The following ZFAT variants were observed in gnomAD, a reference collection of about 807,000 sequenced individuals.
The protein encoded by ZFAT is zinc finger and AT-hook domain containing.
A neutral mutation model predicts 117.7 loss-of-function variants in ZFAT; 64 were observed. The ratio of observed to expected loss-of-function variants is 0.54; its 90% CI spans 0.44 to 0.67. ZFAT has a LOEUF of 0.67. Ranked by LOEUF, ZFAT falls within the 30% of genes least tolerant of loss-of-function variation. The pLI is 0.00. For missense variants in ZFAT, 1,433 were observed against 1,584.5 expected (o/e 0.90, Z 1.62); for synonymous variants, 679 against 615.0 (o/e 1.10, Z -1.54).
At chr8:134,699,179 T>C (rs1273372662) in intron 1 of ZFAT, among the ~76,000 whole-genome samples, 1 of 152,066 alleles carries the variant, frequency 6.6e-6, no homozygotes, top group African/African-American at 2.4e-5. Context: ...GGTCCACACC[T>C]GAGAGCAGGT....
At chr8:134,611,461 G>A (rs1180108316) in intron 3 of ZFAT, among the ~76,000 whole-genome samples, 1 of 152,242 alleles carries the variant, frequency 6.6e-6, no homozygotes, top group African/African-American at 2.4e-5. Flanking sequence ...AAAACCAGGG[G>A]AGGGCGTCAG....
the ZFAT span, among the ~76,000 whole-genome samples, chr8:134,755,057 G>T: frequency 6.6e-6 from 1 of 152,202 alleles, no homozygotes; most frequent in South Asian, 2.1e-4. Context: ...TTCTGTTGGT[G>T]TTTGTTTTAC....
chr8:134,798,039 ACT>A, the ZFAT span: 1 of 151,880 alleles, frequency 6.6e-6, no homozygotes, highest in African/African-American at 2.4e-5. Flanking sequence ...TAAAAGATAA[ACT>A]CTATTATATA....
At chr8:134,669,670 GCT>G (rs1563747718) in intron 1 of ZFAT, among the ~76,000 whole-genome samples, 8 of 152,146 alleles carry the variant, frequency 5.3e-5, no homozygotes, top group Non-Finnish European at 8.8e-5. Context: ...AAAGACCATC[GCT>G]GCTAGGAAGA....
At chr8:134,826,536 A>G in the ZFAT span, among the ~76,000 whole-genome samples, 244 of 152,302 alleles carry the variant, frequency 1.6e-3, no homozygotes, top group African/African-American at 5.4e-3. Flanking sequence ...TCTATTTAAG[A>G]GCATGTTTTT....
intron 10 of ZFAT, chr8:134,565,636 C>A: frequency 1.5e-6 from 1 of 660,286 alleles, no homozygotes; most frequent in Non-Finnish European, 2.7e-6. Context: ...GAGGGAGAGG[C>A]ACAGCCAGCT....
At position 134,601,984 on chromosome 8, in the gene ZFAT, T is replaced by C; in HGVS notation, c.1735A>G (p.Thr579Ala). Residue 579 changes from threonine to alanine, a missense_variant, in exon 6 of 16, where the codon ACC becomes GCC. Thr to Ala is a moderately conservative substitution (Grantham distance 58). Around this residue, in one of 5 missense-constraint regions of ZFAT, gnomAD observed 372 missense variants for 355.6 expected, o/e 1.05. Coordinates refer to ENST00000377838, the MANE Select transcript of ZFAT (RefSeq NM_020863.4). ...STALPPCELETTVVSSSDLHS... is the reference protein window; with the variant it reads ...STALPPCELEATVVSSSDLHS... Reference sequence around the variant, plus strand: ...AGGTCTGAGGAGGAGACCACGGTGGTTTCCAGCTCACAGGGTGGCAGGGCT... The same window carrying C: ...AGGTCTGAGGAGGAGACCACGGTGGCTTCCAGCTCACAGGGTGGCAGGGCT... The C allele has an allele frequency of 6.2e-7, 1 of 1,613,646 alleles. No homozygotes were observed. The highest frequency in any genetic ancestry group is 1.1e-5 in the South Asian group (1 of 91,070).
In ZFAT at chr8:134,602,641, T is replaced by C. The variant is rs951255158; in HGVS notation, c.1078A>G (p.Lys360Glu). Residue 360 changes from lysine (K) to glutamate (E), a missense_variant, in exon 6 of 16, where the codon AAG becomes GAG. Coordinates refer to ENST00000377838, the MANE Select transcript of ZFAT (RefSeq NM_020863.4). ...TTCTTGACGTCAGAGTACTTCTTCT[T>C]GCAGAAGCGGCAGTGCTGCTTGATC... ...KKIKQHCRFC[K>E]KKYSDVKNLI... 6.2e-7 allele frequency: 1 copy of C among 1,614,220 alleles called. No individual in the cohort carries two copies.
chr8:134,696,613 C>G, intron 1 of ZFAT: 1 of 986,168 alleles, frequency 1.0e-6, no homozygotes, highest in Non-Finnish European at 1.2e-6. Context: ...ACCCGCGCTT[C>G]TCTCCAATAC....
chr8:134,527,458 G>A (rs1821108655), intron 12 of ZFAT, among the ~76,000 whole-genome samples: 1 of 152,198 alleles, frequency 6.6e-6, no homozygotes, highest in Admixed American at 6.5e-5. Flanking sequence ...AAGTGGATAT[G>A]GAAAAATTGT....
chr8:134,515,672 ATTTG>A (rs1820203757), intron 13 of ZFAT, among the ~76,000 whole-genome samples: 1 of 151,964 alleles, frequency 6.6e-6, no homozygotes. Context: ...TTTCTTGTAA[ATTTG>A]TTTAAGTTCC....
chr8:134,636,088 A>T (rs1055887863), intron 3 of ZFAT, among the ~76,000 whole-genome samples: 1 of 152,192 alleles, frequency 6.6e-6, no homozygotes, highest in Non-Finnish European at 1.5e-5. Context: ...AGCCTTGGCC[A>T]CCAACCTAGA....
At chr8:134,817,429 ACACACAC>A in the ZFAT span, among the ~76,000 whole-genome samples, 116 of 122,872 alleles carry the variant, frequency 9.4e-4, no homozygotes, top group Non-Finnish European at 1.6e-3. Flanking sequence ...ACACACACAC[ACACACAC>A]AACGCACCCT....
chr8:134,595,964 G>T (rs1826895888), intron 7 of ZFAT, among the ~76,000 whole-genome samples: 1 of 152,228 alleles, frequency 6.6e-6, no homozygotes, highest in Admixed American at 6.5e-5. Context: ...ATGGGAATCT[G>T]TGCTGAAAGC....
the ZFAT span, among the ~76,000 whole-genome samples, chr8:134,773,391 C>T: frequency 2.0e-5 from 3 of 152,190 alleles, no homozygotes; most frequent in Non-Finnish European, 4.4e-5. Context: ...TGACAATGCA[C>T]CTAGTTGTTG....
chr8:134,565,157 A>G, intron 11 of ZFAT, 176 bp downstream of exon 11: 3 of 1,531,102 alleles, frequency 2.0e-6, no homozygotes, highest in Non-Finnish European at 2.6e-6. Context: ...ACGCTTCTGG[A>G]ACGAGAGAGC....
intron 1 of ZFAT, among the ~76,000 whole-genome samples, chr8:134,671,167 C>A (rs1295687932): frequency 6.6e-6 from 1 of 152,162 alleles, no homozygotes; most frequent in Non-Finnish European, 1.5e-5. Context: ...CAGATTCTAC[C>A]AGAGGTACAA....
chr8:134,532,570 G>A (rs1187838406), intron 12 of ZFAT, among the ~76,000 whole-genome samples: 2 of 152,212 alleles, frequency 1.3e-5, no homozygotes, highest in Non-Finnish European at 2.9e-5. Context: ...CAGCATTGTG[G>A]AGGGTAGTAG....
intron 3 of ZFAT, among the ~76,000 whole-genome samples, chr8:134,613,985 T>C (rs1255038114): frequency 6.6e-6 from 1 of 152,202 alleles, no homozygotes; most frequent in Non-Finnish European, 1.5e-5. Flanking sequence ...CGAGAGAACA[T>C]TCTCATTGTT....
Sources: allele counts gnomAD v4.1 joint callset (sites outside exome capture counted in the v4.1 genomes callset), GRCh38; gene constraint gnomAD v4.1.1; regional missense constraint gnomAD v4.1.1; transcripts MANE v1.5; gene names NCBI Gene and HGNC (gene_info 2026-07-23, HGNC 2026-07-21).